IQCM: variants seen among roughly 807,000 people sequenced by gnomAD.
IQCM encodes IQ domain-containing protein M.
A neutral mutation model predicts 57.6 loss-of-function variants in IQCM; 45 were observed. The ratio of observed to expected loss-of-function variants is 0.78; its 90% CI spans 0.62 to 1.00. The LOEUF (loss-of-function observed/expected upper bound fraction) is 1.00, where lower values mean the gene tolerates loss of function less well. Among genes scored for constraint, IQCM ranks in the 50% least tolerant of loss-of-function variants. The probability of loss-of-function intolerance (pLI) is 0.00; values close to 1 mark genes in which losing one functional copy is unlikely to be tolerated. For missense variants in IQCM, 468 were observed against 511.6 expected (o/e 0.91, Z 0.82); for synonymous variants, 148 against 158.9 (o/e 0.93, Z 0.51).
intron 13 of IQCM, among the ~76,000 whole-genome samples, chr4:149,414,299 G>C (rs1414018958): frequency 1.3e-5 from 2 of 152,092 alleles, no homozygotes; most frequent in East Asian, 3.9e-4. Context: ...CAATTCTACT[G>C]TATCTTCTTC....
intron 2 of IQCM, among the ~76,000 whole-genome samples, chr4:149,760,749 A>G (rs1769427139): frequency 6.6e-6 from 1 of 152,080 alleles, no homozygotes; most frequent in Admixed American, 6.6e-5. Context: ...ATAAAATTAC[A>G]AAGTCAGTCA....
chr4:149,386,059 G>C (rs886609871), intron 13 of IQCM, among the ~76,000 whole-genome samples: 1 of 151,976 alleles, frequency 6.6e-6, no homozygotes, highest in Non-Finnish European at 1.5e-5. Context: ...ACCTCTTAAA[G>C]AAAAGTCGTA....
intron 2 of IQCM, among the ~76,000 whole-genome samples, chr4:149,775,982 C>T (rs768599223): frequency 1.3e-5 from 2 of 152,064 alleles, no homozygotes; most frequent in Non-Finnish European, 2.9e-5. Context: ...ATTTATCATT[C>T]ACTCTAGGAC....
At chr4:149,390,754 G>T (rs1296286658) in intron 13 of IQCM, among the ~76,000 whole-genome samples, 2 of 151,826 alleles carry the variant, frequency 1.3e-5, no homozygotes, top group Admixed American at 1.3e-4. Flanking sequence ...CTTGTTTCAT[G>T]GGTTAAATCT....
At chr4:149,449,798 T>C (rs12650595) in intron 12 of IQCM, among the ~76,000 whole-genome samples, 78,811 of 151,470 alleles carry the variant, frequency 0.52, 20,783 homozygotes, top group Non-Finnish European at 0.56. Context: ...AATCTACAGA[T>C]TTCAATGCAA....
chr4:149,364,346 G>A (rs1210296873), intron 13 of IQCM, among the ~76,000 whole-genome samples: 3 of 152,166 alleles, frequency 2.0e-5, no homozygotes, highest in Non-Finnish European at 4.4e-5. Flanking sequence ...ACATATCACA[G>A]CTCAAGGTGG....
rs866317925 is a variant in IQCM, at chr4:149,388,776, C to A, written c.1391-36710G>T. ...AATATATATATGACATATATATATA[C>A]ACACACACACACACATATAATCAGA... On this transcript the variant is annotated intron_variant, in intron 13 of 13. Coordinates refer to ENST00000636793, the MANE Select transcript of IQCM (RefSeq NM_001363507.2). Among the ~76,000 whole-genome samples, 18 of 141,692 alleles carry A rather than the reference C, an allele frequency of 1.3e-4. 1 individual carries two copies. The Admixed American group carries it at 1.3e-3, about 10-fold the overall frequency. 93.0% of individuals were successfully genotyped at this position (141,692 alleles called of 152,430 possible).
chr4:149,797,964 G>T (rs1425247793), intron 2 of IQCM, among the ~76,000 whole-genome samples: 1 of 150,058 alleles, frequency 6.7e-6, no homozygotes, highest in Non-Finnish European at 1.5e-5. Context: ...AAAAAAAAAA[G>T]ACATTAATGA....
rs1033143082 is a variant in IQCM at position 149,506,083 on chromosome 4, G to C, written c.1228+42372C>G. 2.0e-5 allele frequency among the ~76,000 whole-genome samples: 3 copies of C among 152,312 alleles called. No individual in the cohort carries two copies. The East Asian group carries it at 5.8e-4, about 29-fold the overall frequency. On this transcript the variant is annotated intron_variant, in intron 12 of 13. Coordinates refer to ENST00000636793, the MANE Select transcript of IQCM (RefSeq NM_001363507.2). ...TATACAAAGAGGTACTGACTTAAAAGAGTGTGAATCAGCCTTTCCTCTTTC... is the reference window on the plus strand; with the variant it reads ...TATACAAAGAGGTACTGACTTAAAACAGTGTGAATCAGCCTTTCCTCTTTC...
intron 8 of IQCM, among the ~76,000 whole-genome samples, chr4:149,616,830 C>G (rs1755833905): frequency 6.6e-6 from 1 of 152,016 alleles, no homozygotes; most frequent in Non-Finnish European, 1.5e-5. Context: ...TGCAGCAAAC[C>G]ACCATGGCAT....
intron 9 of IQCM, among the ~76,000 whole-genome samples, chr4:149,573,873 C>T (rs1024409315): frequency 6.6e-6 from 1 of 151,872 alleles, no homozygotes; most frequent in Admixed American, 6.6e-5. Context: ...TAATTCCAAG[C>T]CTTCTTGATC....
At chr4:149,748,593 T>C (rs1046580175) in intron 2 of IQCM, 2 of 152,210 alleles carry the variant, frequency 1.3e-5, no homozygotes, top group African/African-American at 4.8e-5. Flanking sequence ...ATGGAGTTTT[T>C]CTGTGATCTT....
chr4:149,596,102 T>G (rs937010842), intron 8 of IQCM, among the ~76,000 whole-genome samples: 3 of 152,156 alleles, frequency 2.0e-5, no homozygotes, highest in Non-Finnish European at 4.4e-5. Flanking sequence ...ATGTAGACAT[T>G]TAAGCTAAGT....
At chr4:149,532,764 T>A (rs1271223562) in intron 12 of IQCM, among the ~76,000 whole-genome samples, 1 of 152,162 alleles carries the variant, frequency 6.6e-6, no homozygotes, top group Non-Finnish European at 1.5e-5. Context: ...TTTTATGAAC[T>A]GGGTATTAGC....
intron 8 of IQCM, among the ~76,000 whole-genome samples, chr4:149,620,587 A>C (rs1756244066): frequency 6.6e-6 from 1 of 152,250 alleles, no homozygotes; most frequent in Admixed American, 6.5e-5. Context: ...AGTTTCTTCT[A>C]CTATTCACAT....
At chr4:149,448,857 A>T (rs1164145373) in intron 12 of IQCM, among the ~76,000 whole-genome samples, 7 of 151,756 alleles carry the variant, frequency 4.6e-5, no homozygotes, top group African/African-American at 1.7e-4. Context: ...AGACACCTAC[A>T]TGCCCAGATG....
At chr4:149,512,427 T>C (rs1467575593) in intron 12 of IQCM, among the ~76,000 whole-genome samples, 7 of 152,196 alleles carry the variant, frequency 4.6e-5, no homozygotes, top group African/African-American at 1.7e-4. Context: ...GGCAGTGGCA[T>C]TGTAGAACTC....
chr4:149,677,074 A>G (rs1194520358), intron 7 of IQCM, among the ~76,000 whole-genome samples: 2 of 152,006 alleles, frequency 1.3e-5, no homozygotes, highest in African/African-American at 2.4e-5. Flanking sequence ...TATGCAAAAA[A>G]TACTCCCCAA....
chr4:149,410,660 C>T (rs1169321067), intron 13 of IQCM, among the ~76,000 whole-genome samples: 1 of 151,522 alleles, frequency 6.6e-6, no homozygotes, highest in Non-Finnish European at 1.5e-5. Flanking sequence ...GCAAATTGCT[C>T]TTGTACCTTT....
Sources: gnomAD v4.1 joint callset for allele counts (sites outside exome capture counted in the v4.1 genomes callset) on GRCh38, gnomAD v4.1.1 for gene constraint, MANE v1.5 for transcripts, NCBI Gene and HGNC (gene_info 2026-07-23, HGNC 2026-07-21) for gene names.